Variants in TRHDE observed in about 807,000 individuals in gnomAD.
The protein encoded by TRHDE is thyrotropin-releasing hormone-degrading ectoenzyme.
Under a neutral mutation model 125.7 loss-of-function variants are expected in TRHDE, and 72 were observed. The observed-to-expected ratio is 0.57, with a 90% CI of 0.47 to 0.70. The LOEUF is 0.70. Among genes scored for constraint, TRHDE ranks in the 30% least tolerant of loss-of-function variants. TRHDE has a pLI of 0.00. For synonymous variants in TRHDE, 509 were observed against 509.1 expected (o/e 1.00, Z 0.00); for missense variants, 1,110 against 1,327.1 (o/e 0.84, Z 2.54).
At chr12:72,237,174 T>G (rs1878351798) in intron 2 of TRHDE, among the ~76,000 whole-genome samples, 1 of 152,182 alleles carries the variant, frequency 6.6e-6, no homozygotes, top group Non-Finnish European at 1.5e-5. Flanking sequence ...ATCATTCACT[T>G]TACATCATGA....
intron 2 of TRHDE, among the ~76,000 whole-genome samples, chr12:72,339,754 G>C (rs952623625): frequency 6.6e-6 from 1 of 152,162 alleles, no homozygotes; most frequent in Non-Finnish European, 1.5e-5. Flanking sequence ...CACAGCCCTT[G>C]ACTATGGTGG....
chr12:72,321,260 T>C (rs1329295673), intron 2 of TRHDE, among the ~76,000 whole-genome samples: 1 of 152,176 alleles, frequency 6.6e-6, no homozygotes, highest in Non-Finnish European at 1.5e-5. Flanking sequence ...GCAAATGCCC[T>C]GAAGAAGAGG....
chr12:72,217,879 A>G (rs1183090168), intron 2 of TRHDE, among the ~76,000 whole-genome samples: 1 of 152,164 alleles, frequency 6.6e-6, no homozygotes, highest in African/African-American at 2.4e-5. Flanking sequence ...CTAGAGTCAC[A>G]TATACTCATT....
At chr12:72,161,555 C>A (rs1487613334) in intron 2 of TRHDE, among the ~76,000 whole-genome samples, 1 of 151,938 alleles carries the variant, frequency 6.6e-6, no homozygotes, top group Non-Finnish European at 1.5e-5. Context: ...TGTGTCTGGT[C>A]ATATTGATTT....
intron 6 of TRHDE, among the ~76,000 whole-genome samples, chr12:72,540,939 AT>A (rs1287094468): frequency 2.0e-5 from 3 of 151,596 alleles, no homozygotes; most frequent in Non-Finnish European, 4.4e-5. Context: ...GGTGGTTGAA[AT>A]TTTTTGATAC....
At chr12:72,305,984 A>G (rs1488223409) in intron 2 of TRHDE, among the ~76,000 whole-genome samples, 1 of 152,228 alleles carries the variant, frequency 6.6e-6, no homozygotes, top group Non-Finnish European at 1.5e-5. Flanking sequence ...TGGTACAGAC[A>G]GCTCCATTTT....
intron 12 of TRHDE, among the ~76,000 whole-genome samples, chr12:72,580,296 C>T (rs189216504): frequency 1.8e-4 from 27 of 152,294 alleles, no homozygotes; most frequent in African/African-American, 6.3e-4. Context: ...TACAGTCTGG[C>T]ACTGTTTTCA....
intron 15 of TRHDE, among the ~76,000 whole-genome samples, chr12:72,646,223 A>G (rs1424888645): frequency 6.6e-6 from 1 of 152,094 alleles, no homozygotes; most frequent in Non-Finnish European, 1.5e-5. Flanking sequence ...CAGTGTGAGG[A>G]CAGGAGTTAA....
intron 5 of TRHDE, among the ~76,000 whole-genome samples, chr12:72,492,734 G>A (rs942473422): frequency 5.9e-5 from 9 of 151,752 alleles, no homozygotes; most frequent in African/African-American, 2.2e-4. Flanking sequence ...AATTCATGTG[G>A]TATTTTGTTT....
intron 2 of TRHDE, among the ~76,000 whole-genome samples, chr12:72,123,700 T>A (rs1359136726): frequency 1.3e-5 from 2 of 152,166 alleles, no homozygotes; most frequent in Non-Finnish European, 2.9e-5. Context: ...ACTTCTCAAA[T>A]ATATCCACTT....
At chr12:72,405,763 A>G (rs913170587) in intron 3 of TRHDE, among the ~76,000 whole-genome samples, 1 of 152,236 alleles carries the variant, frequency 6.6e-6, no homozygotes, top group Non-Finnish European at 1.5e-5. Flanking sequence ...ATAATATTTT[A>G]TGAAGATTAT....
At chr12:72,528,538 C>T (rs763978651) in intron 6 of TRHDE, among the ~76,000 whole-genome samples, 34 of 151,744 alleles carry the variant, frequency 2.2e-4, no homozygotes, top group African/African-American at 3.1e-4. Flanking sequence ...TTTTTTGAGA[C>T]GGAGTCTCGC....
At chr12:72,091,455 C>CTA (rs954037868) in intron 1 of TRHDE, among the ~76,000 whole-genome samples, 3 of 152,280 alleles carry the variant, frequency 2.0e-5, no homozygotes, top group African/African-American at 7.2e-5. Context: ...AAATGCTTTT[C>CTA]TATATTCCAA....
intron 2 of TRHDE, among the ~76,000 whole-genome samples, chr12:72,197,816 C>T (rs1264401303): frequency 1.3e-5 from 2 of 152,104 alleles, no homozygotes; most frequent in Non-Finnish European, 2.9e-5. Flanking sequence ...AAGAGGCCTT[C>T]CCTGGCCATC....
At chr12:72,334,603 C>A (rs4402340) in intron 2 of TRHDE, among the ~76,000 whole-genome samples, 52,784 of 152,056 alleles carry the variant, frequency 0.35, 9,893 homozygotes, top group Non-Finnish European at 0.43. Flanking sequence ...AAACTTGTTT[C>A]GCCTGGCAAA....
At chr12:72,226,127 G>A (rs1878123444) in intron 2 of TRHDE, among the ~76,000 whole-genome samples, 1 of 152,206 alleles carries the variant, frequency 6.6e-6, no homozygotes, top group African/African-American at 2.4e-5. Context: ...AGTGAGACCA[G>A]GATCTCTCCT....
chr12:72,499,683 A>G, intron 6 of TRHDE, 48 bp downstream of exon 6: 27 of 1,597,432 alleles, frequency 1.7e-5, no homozygotes, highest in Non-Finnish European at 2.3e-5. Context: ...TTACCAAGAT[A>G]GCTAAACTAA....
At chr12:72,090,510 G>A (rs763533732) in intron 1 of TRHDE, among the ~76,000 whole-genome samples, 1 of 152,092 alleles carries the variant, frequency 6.6e-6, no homozygotes, top group Non-Finnish European at 1.5e-5. Context: ...GTGTTTAAGA[G>A]AGAACTGCAA....
At chr12:72,186,976 T>C (rs892322429) in intron 2 of TRHDE, among the ~76,000 whole-genome samples, 1 of 152,112 alleles carries the variant, frequency 6.6e-6, no homozygotes, top group African/African-American at 2.4e-5. Flanking sequence ...GAGAGAAGGA[T>C]GAGGCATATG....
Sources: allele counts gnomAD v4.1 joint callset (sites outside exome capture counted in the v4.1 genomes callset), GRCh38; gene constraint gnomAD v4.1.1; transcripts MANE v1.5; gene names NCBI Gene and HGNC (gene_info 2026-07-23, HGNC 2026-07-21).